The following WWOX variants were observed in gnomAD, a reference collection of about 807,000 sequenced individuals.
The protein encoded by WWOX is WW domain-containing oxidoreductase.
A neutral mutation model predicts 46.2 loss-of-function variants in WWOX; 69 were observed. The observed-to-expected ratio is 1.49, with a 90% confidence interval of 1.23 to 1.82. WWOX has a LOEUF of 1.82. Ranked by LOEUF, WWOX falls within the 40% of genes most tolerant of loss-of-function variation. The probability of loss-of-function intolerance (pLI) is 0.00; values close to 1 mark genes in which losing one functional copy is unlikely to be tolerated. For synonymous variants in WWOX, 359 were observed against 202.6 expected (o/e 1.77, Z -6.56); for missense variants, 919 against 542.6 (o/e 1.69, Z -6.89).
At chr16:78,931,998 C>CA (rs1463166753) in intron 8 of WWOX, among the ~76,000 whole-genome samples, 9 of 152,344 alleles carry the variant, frequency 5.9e-5, no homozygotes, top group African/African-American at 2.2e-4. Context: ...CCATTTAAGA[C>CA]ATGTGTTTGC....
At chr16:78,223,555 G>A (rs2036959087) in intron 5 of WWOX, among the ~76,000 whole-genome samples, 1 of 152,146 alleles carries the variant, frequency 6.6e-6, no homozygotes, top group African/African-American at 2.4e-5. Flanking sequence ...TTGGACGGTG[G>A]AAGGCAGGGG....
intron 5 of WWOX, among the ~76,000 whole-genome samples, chr16:78,166,188 A>C (rs1387590639): frequency 6.6e-6 from 1 of 151,934 alleles, no homozygotes. Flanking sequence ...TAAACTTAGT[A>C]CTGCAGGAGA....
At position 78,168,412 on chromosome 16, in the gene WWOX, G is replaced by T. The variant is rs1217727667; in HGVS notation, c.516+4123G>T. On this transcript the variant is annotated intron_variant, in intron 5 of 8. Transcript: ENST00000566780. ...CAGGCACTTTATATCCCTCATCCAG[G>T]AGGATGCAAAAACCTGGTGTTTTTC... 3 of 151,608 alleles carry T rather than the reference G, an allele frequency of 2.0e-5. No individual in the cohort carries two copies. The East Asian group carries it at 5.8e-4, about 29-fold the overall frequency. The allele number at this position is 151,608 out of a possible 1,614,324, so 9.4% of individuals were successfully genotyped here.
At chr16:78,545,322 G>A (rs923620393) in intron 8 of WWOX, among the ~76,000 whole-genome samples, 1 of 152,110 alleles carries the variant, frequency 6.6e-6, no homozygotes, top group Non-Finnish European at 1.5e-5. Context: ...CCTGCAGGGC[G>A]ATTGTGGCCT....
intron 8 of WWOX, among the ~76,000 whole-genome samples, chr16:78,863,077 G>A (rs1331020992): frequency 2.0e-5 from 3 of 151,088 alleles, no homozygotes; most frequent in South Asian, 2.1e-4. Flanking sequence ...TCCTGCCTCA[G>A]CCTCCCAAGT....
intron 5 of WWOX, among the ~76,000 whole-genome samples, chr16:78,257,053 A>G (rs1014871851): frequency 1.6e-4 from 25 of 152,060 alleles, no homozygotes; most frequent in Non-Finnish European, 2.6e-4. Flanking sequence ...ATTTCGCAGC[A>G]ATCAGAAGGA....
intron 8 of WWOX, among the ~76,000 whole-genome samples, chr16:78,536,371 G>A (rs762472402): frequency 1.3e-5 from 2 of 151,760 alleles, no homozygotes; most frequent in African/African-American, 4.8e-5. Flanking sequence ...AAGAAGCTGC[G>A]AGCTGTGGGG....
intron 5 of WWOX, among the ~76,000 whole-genome samples, chr16:78,262,857 A>G (rs777799971): frequency 2.0e-5 from 3 of 152,220 alleles, no homozygotes; most frequent in African/African-American, 2.4e-5. Context: ...TCTGTTGATC[A>G]TAAAAGTAGG....
intron 5 of WWOX, among the ~76,000 whole-genome samples, chr16:78,351,406 G>C (rs2081181158): frequency 6.6e-6 from 1 of 152,192 alleles, no homozygotes; most frequent in South Asian, 2.1e-4. Flanking sequence ...CATTGGTTTA[G>C]CCAGAACTAT....
At chr16:78,703,210 G>T (rs1387011113) in intron 8 of WWOX, among the ~76,000 whole-genome samples, 2 of 151,852 alleles carry the variant, frequency 1.3e-5, no homozygotes, top group African/African-American at 4.9e-5. Context: ...ACAAGAGTCT[G>T]TCTCTTTTCT....
chr16:78,764,809 G>C (rs1462800939), intron 8 of WWOX, among the ~76,000 whole-genome samples: 3 of 151,542 alleles, frequency 2.0e-5, no homozygotes, highest in Admixed American at 1.3e-4. Context: ...AACTTACCTA[G>C]GTCTGATCTC....
At chr16:78,739,879 TG>T (rs1206247159) in intron 8 of WWOX, among the ~76,000 whole-genome samples, 1 of 152,150 alleles carries the variant, frequency 6.6e-6, no homozygotes, top group Non-Finnish European at 1.5e-5. Context: ...GCAGGAAATA[TG>T]TTTTTGAATA....
intron 4 of WWOX, among the ~76,000 whole-genome samples, chr16:78,141,436 T>TC (rs978920515): frequency 6.0e-5 from 9 of 150,534 alleles, no homozygotes; most frequent in Non-Finnish European, 1.3e-4. Flanking sequence ...CCTTCTTTTT[T>TC]TTTTTTTTTT....
chr16:79,167,524 T>C (rs1288207483), intron 8 of WWOX, among the ~76,000 whole-genome samples: 1 of 152,092 alleles, frequency 6.6e-6, no homozygotes, highest in Non-Finnish European at 1.5e-5. Context: ...CTGCACTAGA[T>C]GTTTTGCTTC....
At chr16:78,928,751 T>C (rs1320562739) in intron 8 of WWOX, among the ~76,000 whole-genome samples, 1 of 152,190 alleles carries the variant, frequency 6.6e-6, no homozygotes, top group Non-Finnish European at 1.5e-5. Context: ...ATTGCTGTGT[T>C]TCTGTGATGT....
intron 8 of WWOX, among the ~76,000 whole-genome samples, chr16:78,693,767 G>T (rs2048040518): frequency 6.6e-6 from 1 of 152,108 alleles, no homozygotes; most frequent in Non-Finnish European, 1.5e-5. Context: ...AACATGCGCA[G>T]CCCCAAGGCT....
chr16:79,047,879 A>G (rs976089693), intron 8 of WWOX, among the ~76,000 whole-genome samples: 3 of 151,392 alleles, frequency 2.0e-5, no homozygotes, highest in African/African-American at 7.3e-5. Context: ...CAACTCATTG[A>G]TTCAGATTCA....
At chr16:78,509,502 C>T (rs949487095) in intron 8 of WWOX, among the ~76,000 whole-genome samples, 1 of 151,950 alleles carries the variant, frequency 6.6e-6, no homozygotes, top group Non-Finnish European at 1.5e-5. Flanking sequence ...GCCATTTTAC[C>T]GCATGTGACT....
intron 8 of WWOX, among the ~76,000 whole-genome samples, chr16:78,674,028 C>G (rs2047528518): frequency 6.6e-6 from 1 of 151,860 alleles, no homozygotes; most frequent in South Asian, 2.1e-4. Flanking sequence ...AATTTTGCCC[C>G]CAAGACTTTT....
Sources: gnomAD v4.1 joint callset for allele counts (sites outside exome capture counted in the v4.1 genomes callset) on GRCh38, gnomAD v4.1.1 for gene constraint, MANE v1.5 for transcripts, NCBI Gene and HGNC (gene_info 2026-07-23, HGNC 2026-07-21) for gene names.